Variants in RNF17 observed in about 807,000 individuals in gnomAD.
RNF17 encodes ring finger protein 17.
In RNF17, 31 loss-of-function variants were observed where a neutral mutation model predicts 200.5. The ratio of observed to expected loss-of-function variants is 0.15; its 90% CI spans 0.12 to 0.21. The LOEUF is 0.21. Among genes scored for constraint, RNF17 ranks in the 10% least tolerant of loss-of-function variants. The probability of loss-of-function intolerance (pLI) is 1.00; values close to 1 mark genes in which losing one functional copy is unlikely to be tolerated. For missense variants in RNF17, 1,628 were observed against 1,905.1 expected (o/e 0.85, Z 2.71); for synonymous variants, 606 against 637.8 (o/e 0.95, Z 0.75).
chr13:24,751,944 G>A, the RNF17 span: 8,176 of 152,260 alleles, frequency 0.054, 343 homozygotes, highest in East Asian at 0.17. Flanking sequence ...TACAGCAGGC[G>A]TGAAGGCTGT....
At chr13:24,841,833 G>A (rs993267563) in intron 18 of RNF17, among the ~76,000 whole-genome samples, 6 of 151,882 alleles carry the variant, frequency 4.0e-5, no homozygotes, top group South Asian at 2.1e-4. Context: ...GTGGTGGCGC[G>A]ACAGTGTCTG....
rs1324035042 is a variant in RNF17 at position 24,781,871 on chromosome 13, A to G, written c.538A>G (p.Ile180Val). 1.2e-6 allele frequency: 2 copies of G among 1,611,568 alleles called. No homozygotes were observed. The highest frequency in any genetic ancestry group is 2.2e-5 in the South Asian group (2 of 90,484). ...KALEHMQKQT[I>V]EERERVIEVV... ...ACTTGAACACATGCAGAAGCAAACGATAGAGGAAAGAGAAAGAGTTATAGA... is the reference window on the plus strand; with the variant it reads ...ACTTGAACACATGCAGAAGCAAACGGTAGAGGAAAGAGAAAGAGTTATAGA... Residue 180 changes from isoleucine to valine, a missense_variant, in exon 6 of 36, where the codon ATA (isoleucine) becomes GTA (valine). Physicochemically the swap from Ile to Val is conservative, Grantham distance 29. Coordinates refer to ENST00000255324, the MANE Select transcript of RNF17 (RefSeq NM_031277.3).
chr13:24,800,935 C>G (rs954819775), intron 13 of RNF17, among the ~76,000 whole-genome samples: 6 of 152,120 alleles, frequency 3.9e-5, no homozygotes, highest in African/African-American at 1.2e-4. Context: ...TATTCTCCAG[C>G]AAGATTGTAA....
chr13:24,801,072 A>G (rs1451106122), intron 13 of RNF17, among the ~76,000 whole-genome samples: 6 of 152,228 alleles, frequency 3.9e-5, no homozygotes, highest in African/African-American at 1.4e-4. Flanking sequence ...CACATGCCAC[A>G]TAGAAGGCAT....
rs1188550710 is a variant in RNF17, at chr13:24,850,893, G to A, written c.3204+450G>A. On this transcript the variant is annotated intron_variant, in intron 23 of 35. Transcript: ENST00000255324. Reference sequence around the variant, plus strand: ...TTCCCAACTCCCCATTCTGTGACTGGAAAAAAAGTTTCCAGTTTGATTTTT... The same window carrying A: ...TTCCCAACTCCCCATTCTGTGACTGAAAAAAAAGTTTCCAGTTTGATTTTT... 9.2e-5 allele frequency among the ~76,000 whole-genome samples: 14 copies of A among 152,178 alleles called. No homozygotes were observed. The South Asian group carries it at 2.5e-3, about 27-fold the overall frequency.
intron 16 of RNF17, among the ~76,000 whole-genome samples, chr13:24,830,149 G>T (rs1889226075): frequency 6.6e-6 from 1 of 152,110 alleles, no homozygotes; most frequent in African/African-American, 2.4e-5. Context: ...AGGTCACATA[G>T]AATTTTAGTG....
intron 15 of RNF17, among the ~76,000 whole-genome samples, chr13:24,813,178 A>G (rs997606820): frequency 2.0e-5 from 3 of 152,058 alleles, no homozygotes; most frequent in Admixed American, 6.5e-5. Flanking sequence ...TATTTTTTAA[A>G]CACAGGGCTT....
In RNF17 at chr13:24,866,170, G is replaced by C; in HGVS notation, c.4128G>C (p.Lys1376Asn). 6.4e-7 allele frequency: 1 copy of C among 1,556,942 alleles called. No homozygotes were observed. The highest frequency in any genetic ancestry group is 8.8e-7 in the Non-Finnish European group (1 of 1,131,326). ...AACCAAGATCAGATCATGATAAAAA[G>C]TATGAAGAGGAACAATGGGAAATAA... is the stretch of plus-strand genomic sequence containing the variant. ...KEKPRSDHDK[K>N]YEEEQWEIRF... Residue 1376 changes from lysine to asparagine, a missense_variant, in exon 30 of 36, where the codon AAG becomes AAC. By Grantham distance (94) the Lys-to-Asn change is moderately conservative (BLOSUM62 0). Around this residue, in one of 5 missense-constraint regions of RNF17, gnomAD observed 609 missense variants for 681.9 expected, o/e 0.89. Coordinates refer to ENST00000255324, the MANE Select transcript of RNF17 (RefSeq NM_031277.3).
intron 17 of RNF17, 113 bp from the exon 18 acceptor site, chr13:24,831,745 A>AT: frequency 1.1e-6 from 1 of 883,100 alleles, no homozygotes; most frequent in African/African-American, 1.7e-5. Flanking sequence ...TATTTCTAAT[A>AT]TGTATGAAAT....
intron 19 of RNF17, 48 bp from the exon 20 acceptor site, chr13:24,843,696 C>G (rs1455278895): frequency 3.5e-6 from 4 of 1,141,478 alleles, no homozygotes; most frequent in Non-Finnish European, 5.2e-6. Flanking sequence ...CAAATGCAAA[C>G]AAATATTTTG....
At chr13:24,785,937 C>T (rs1883049441) in intron 6 of RNF17, among the ~76,000 whole-genome samples, 1 of 152,082 alleles carries the variant, frequency 6.6e-6, no homozygotes, top group African/African-American at 2.4e-5. Flanking sequence ...ATTTTTGTGG[C>T]AGCATATAGT....
intron 16 of RNF17, among the ~76,000 whole-genome samples, chr13:24,828,764 AT>A (rs1889041105): frequency 6.7e-6 from 1 of 148,714 alleles, no homozygotes; most frequent in Admixed American, 6.7e-5. Flanking sequence ...GTTCAAAACC[AT>A]TTTCCATATG....
chr13:24,879,061 T>C (rs1895160424), intron 34 of RNF17, 126 bp from the exon 35 acceptor site: 1 of 637,506 alleles, frequency 1.6e-6, no homozygotes, highest in South Asian at 2.0e-5. Context: ...TTTGGAAGCA[T>C]AGAGCATAAA....
At chr13:24,803,643 C>T (rs1180668726) in intron 14 of RNF17, 1 of 152,202 alleles carries the variant, frequency 6.6e-6, no homozygotes, top group Non-Finnish European at 1.5e-5. Context: ...CTAATTTTTA[C>T]CTTGGGTGAT....
intron 6 of RNF17, among the ~76,000 whole-genome samples, chr13:24,785,088 ATT>A (rs1882929120): frequency 6.6e-6 from 1 of 151,800 alleles, no homozygotes; most frequent in Non-Finnish European, 1.5e-5. Context: ...TTTGTTGTGT[ATT>A]TATCTCTTCT....
chr13:24,798,361 A>T (rs1884851524), intron 11 of RNF17, among the ~76,000 whole-genome samples: 1 of 152,198 alleles, frequency 6.6e-6, no homozygotes, highest in African/African-American at 2.4e-5. Flanking sequence ...GAATGTTGGT[A>T]CAGTAGTGTA....
At chr13:24,846,439 T>C (rs1325502712) in intron 22 of RNF17, among the ~76,000 whole-genome samples, 3 of 152,218 alleles carry the variant, frequency 2.0e-5, no homozygotes, top group African/African-American at 7.2e-5. Flanking sequence ...TGTTAACTTT[T>C]GTTAAATAAA....
intron 15 of RNF17, among the ~76,000 whole-genome samples, chr13:24,820,121 CTTTTTT>C (rs200683421): frequency 8.8e-6 from 1 of 113,302 alleles, no homozygotes; most frequent in Non-Finnish European, 1.9e-5. Context: ...TTTCTTTTTT[CTTTTTT>C]TTTTTTTTTT....
rs1375457240 is a variant in RNF17, at chr13:24,793,303, C to T, written c.1197C>T (p.Ser399=). The T allele has an allele frequency of 1.3e-6, 2 of 1,594,810 alleles. No homozygotes were observed. The highest frequency in any genetic ancestry group is 2.3e-5 in the South Asian group (2 of 87,114). ...CTGTGTTACCTCAGATGGGATCTAG[C>T]CCTGATGTGATAATTGAAGAAATTA... The part of the protein sequence containing the change: ...TIAVLPQMGS[S]PDVIIEEIIE... Residue 399 remains serine, a synonymous_variant, in exon 10 of 36, where the codon AGC becomes AGT. Transcript: ENST00000255324.
Sources: gnomAD v4.1 joint callset for allele counts (sites outside exome capture counted in the v4.1 genomes callset) on GRCh38, gnomAD v4.1.1 for gene constraint, gnomAD v4.1.1 regional missense constraint, MANE v1.5 for transcripts, NCBI Gene and HGNC (gene_info 2026-07-23, HGNC 2026-07-21) for gene names.